ARHGEF4: variants seen among roughly 807,000 people sequenced by gnomAD.
ARHGEF4 encodes the protein APC-stimulated guanine nucleotide exchange factor 1.
ARHGEF4 carries 119 observed loss-of-function variants against 162.0 expected under a neutral mutation model. That is an observed-to-expected ratio of 0.73 (90% CI 0.63 to 0.86). The LOEUF is 0.86. Ranked by LOEUF, ARHGEF4 falls within the 40% of genes least tolerant of loss-of-function variation. The pLI is 0.00. For missense variants in ARHGEF4, 2,488 were observed against 2,456.0 expected (o/e 1.01, Z -0.28); for synonymous variants, 1,014 against 979.9 (o/e 1.03, Z -0.65).
At chr2:130,837,921 G>A (rs1680319556) in intron 1 of ARHGEF4, among the ~76,000 whole-genome samples, 1 of 152,264 alleles carries the variant, frequency 6.6e-6, no homozygotes, top group African/African-American at 2.4e-5. Context: ...GAAGACGGGA[G>A]GTTGAGGTCG....
rs554772170 is a variant in ARHGEF4 at position 131,016,472 on chromosome 2, C to T, written c.3986-11473C>T. Among the ~76,000 whole-genome samples, 12 of 152,368 alleles carry T rather than the reference C, an allele frequency of 7.9e-5. No homozygotes were observed. In the South Asian group the frequency reaches 1.2e-3, roughly 16 times the overall value. ...GGCCGCCTGCACCCTGCCCAGTGCC[C>T]CCCATGCCCAGATTCCTGTTTCTAC... On this transcript the variant is annotated intron_variant, in intron 4 of 13. Coordinates refer to ENST00000409359, the MANE Select transcript of ARHGEF4 (RefSeq NM_001367493.1).
intron 1 of ARHGEF4, among the ~76,000 whole-genome samples, chr2:130,856,238 G>C (rs777264113): frequency 9.2e-5 from 14 of 152,180 alleles, no homozygotes; most frequent in Non-Finnish European, 1.8e-4. Context: ...CACCAGAGGG[G>C]CTGAACAGTA....
At chr2:130,970,223 A>G (rs1452426251) in intron 4 of ARHGEF4, among the ~76,000 whole-genome samples, 1 of 152,190 alleles carries the variant, frequency 6.6e-6, no homozygotes, top group African/African-American at 2.4e-5. Flanking sequence ...AACTCTTTCA[A>G]AGTAGCTTTA....
intron 3 of ARHGEF4, among the ~76,000 whole-genome samples, chr2:130,940,874 G>C (rs1389281201): frequency 1.3e-5 from 2 of 150,650 alleles, no homozygotes; most frequent in Non-Finnish European, 3.0e-5. Context: ...AATTCATGGA[G>C]TATCAGGGAA....
intron 5 of ARHGEF4, among the ~76,000 whole-genome samples, chr2:131,032,980 G>A (rs114388248): frequency 0.012 from 1,750 of 149,136 alleles, 33 homozygotes; most frequent in African/African-American, 0.041. Flanking sequence ...AGTCTTTCTC[G>A]TAGCTGGGAC....
chr2:130,952,080 G>GT (rs1307542787), intron 4 of ARHGEF4, among the ~76,000 whole-genome samples: 1 of 152,076 alleles, frequency 6.6e-6, no homozygotes, highest in Non-Finnish European at 1.5e-5. Flanking sequence ...TAAGAATAGT[G>GT]TTTTTTATAA....
Position 130,960,316 on chromosome 2 carries a change from C to CTG in ARHGEF4, c.3985+13682_3985+13683insGT, listed in dbSNP as rs1217711955. Among the ~76,000 whole-genome samples, 57 of 152,238 alleles carry CTG rather than the reference C, an allele frequency of 3.7e-4. No homozygotes were observed. In the East Asian group the frequency reaches 0.01, roughly 27 times the overall value. ...ACCATTACGATGTTAATATTTTATA[C>CTG]TATATTTTTACTGTGCCTTTCCTAT... is the stretch of plus-strand genomic sequence containing the variant. On this transcript the variant is annotated intron_variant, in intron 4 of 13. Coordinates refer to ENST00000409359, the MANE Select transcript of ARHGEF4 (RefSeq NM_001367493.1).
chr2:131,037,146 C>T (rs868114675), intron 5 of ARHGEF4, among the ~76,000 whole-genome samples: 1 of 152,202 alleles, frequency 6.6e-6, no homozygotes, highest in African/African-American at 2.4e-5. Context: ...CTGCAGCCCC[C>T]GCGTGGCTGC....
rs187650309 is a variant in ARHGEF4 at position 131,030,774 on chromosome 2, G to A, written c.4125+2690G>A. On this transcript the variant is annotated intron_variant, in intron 5 of 13. Coordinates refer to ENST00000409359, the MANE Select transcript of ARHGEF4 (RefSeq NM_001367493.1). Reference sequence around the variant, plus strand: ...CCATCTCTGTGTTTTGTGGGTGGATGTGACACCGGAGCCCTCACTGTGCCT... The same window carrying A: ...CCATCTCTGTGTTTTGTGGGTGGATATGACACCGGAGCCCTCACTGTGCCT... 1.7e-4 allele frequency among the ~76,000 whole-genome samples: 26 copies of A among 152,336 alleles called. No individual in the cohort carries two copies. In the East Asian group the frequency reaches 3.1e-3, roughly 18 times the overall value.
intron 4 of ARHGEF4, among the ~76,000 whole-genome samples, chr2:130,954,588 C>T (rs1275606603): frequency 2.6e-5 from 4 of 152,168 alleles, no homozygotes; most frequent in African/African-American, 7.2e-5. Flanking sequence ...CCTTTTAGCA[C>T]ATTTAACACA....
intron 1 of ARHGEF4, among the ~76,000 whole-genome samples, chr2:130,843,864 G>A (rs1680767865): frequency 6.6e-6 from 1 of 152,178 alleles, no homozygotes; most frequent in South Asian, 2.1e-4. Flanking sequence ...GAATCCAGAG[G>A]GCCCCAGATT....
chr2:130,843,589 G>A (rs972934896), intron 1 of ARHGEF4, among the ~76,000 whole-genome samples: 8 of 152,354 alleles, frequency 5.3e-5, no homozygotes, highest in African/African-American at 1.9e-4. Context: ...TCTTCCAAGG[G>A]GGGGCACGGT....
chr2:130,865,097 A>G (rs915756385), intron 1 of ARHGEF4, among the ~76,000 whole-genome samples: 7 of 152,248 alleles, frequency 4.6e-5, no homozygotes, highest in Non-Finnish European at 1.0e-4. Flanking sequence ...CAAGGATTTG[A>G]TTATGAAATC....
At chr2:130,877,469 C>T (rs1052033117) in intron 1 of ARHGEF4, among the ~76,000 whole-genome samples, 2 of 152,158 alleles carry the variant, frequency 1.3e-5, no homozygotes, top group African/African-American at 4.8e-5. Context: ...CGATCCCAAA[C>T]AGGCATTGGC....
At chr2:130,885,386 G>A (rs1017506803) in intron 1 of ARHGEF4, among the ~76,000 whole-genome samples, 2 of 151,830 alleles carry the variant, frequency 1.3e-5, no homozygotes, top group Non-Finnish European at 2.9e-5. Flanking sequence ...GAGCCACCGC[G>A]CCCGGCCTAC....
At chr2:130,940,849 GA>G (rs70994723) in intron 3 of ARHGEF4, among the ~76,000 whole-genome samples, 73,619 of 131,326 alleles carry the variant, frequency 0.56, 23,950 homozygotes, top group East Asian at 0.81. Context: ...AAAAAAAAAA[GA>G]AAAAAAAAAA....
intron 1 of ARHGEF4, among the ~76,000 whole-genome samples, chr2:130,913,030 A>G (rs982085487): frequency 8.5e-5 from 13 of 152,182 alleles, no homozygotes; most frequent in African/African-American, 2.9e-4. Context: ...GTATGCATGT[A>G]TAGGAAGAAA....
intron 4 of ARHGEF4, among the ~76,000 whole-genome samples, chr2:131,001,969 T>C (rs1687799569): frequency 6.6e-6 from 1 of 152,200 alleles, no homozygotes; most frequent in Non-Finnish European, 1.5e-5. Flanking sequence ...AGATAAGCAA[T>C]AAATATGCCA....
chr2:130,901,202 C>A, intron 1 of ARHGEF4, among the ~76,000 whole-genome samples: 1 of 152,104 alleles, frequency 6.6e-6, no homozygotes, highest in East Asian at 1.9e-4. Context: ...TTGGGAGACC[C>A]TAGCTGCAGG....
Sources: gnomAD v4.1 joint callset for allele counts (sites outside exome capture counted in the v4.1 genomes callset) on GRCh38, gnomAD v4.1.1 for gene constraint, MANE v1.5 for transcripts, NCBI Gene and HGNC (gene_info 2026-07-23, HGNC 2026-07-21) for gene names.